Variants in PACSIN2 observed in about 807,000 individuals in gnomAD.
PACSIN2 encodes protein kinase C and casein kinase substrate in neurons 2, also known as protein kinase C and casein kinase substrate in neurons protein 2.
In PACSIN2, 25 loss-of-function variants were observed where a neutral mutation model predicts 63.8. The observed-to-expected ratio is 0.39, with a 90% confidence interval of 0.29 to 0.55. The LOEUF (loss-of-function observed/expected upper bound fraction) is 0.55. PACSIN2 is among the 20% of genes least tolerant of loss of function. The pLI, the probability that PACSIN2 is intolerant of heterozygous loss-of-function variation, is 0.62. For missense variants in PACSIN2, 518 were observed against 646.9 expected (o/e 0.80, Z 2.16); for synonymous variants, 255 against 256.2 (o/e 1.00, Z 0.05).
intron 1 of PACSIN2, among the ~76,000 whole-genome samples, chr22:42,972,281 C>T (rs982757589): frequency 6.6e-6 from 1 of 152,130 alleles, no homozygotes. Flanking sequence ...GCACGATGTG[C>T]TTTGTTAAAC....
chr22:42,987,723 G>A (rs1348509321), intron 1 of PACSIN2, among the ~76,000 whole-genome samples: 1 of 151,558 alleles, frequency 6.6e-6, no homozygotes, highest in Admixed American at 6.6e-5. Flanking sequence ...AGTAGAGACA[G>A]GGTTTAATCA....
chr22:42,955,448 C>A (rs1389391815), intron 1 of PACSIN2, among the ~76,000 whole-genome samples: 1 of 151,836 alleles, frequency 6.6e-6, no homozygotes, highest in Non-Finnish European at 1.5e-5. Flanking sequence ...CCAATAAAAG[C>A]TGTCATACCT....
At chr22:42,921,785 C>A (rs1932213113) in intron 1 of PACSIN2, among the ~76,000 whole-genome samples, 1 of 151,116 alleles carries the variant, frequency 6.6e-6, no homozygotes, top group Non-Finnish European at 1.5e-5. Context: ...ATTGCCCAGG[C>A]TGGAGTGCAG....
At chr22:42,934,719 T>A in intron 1 of PACSIN2, among the ~76,000 whole-genome samples, 1 of 152,142 alleles carries the variant, frequency 6.6e-6, no homozygotes. Context: ...TATGGTGCCA[T>A]TATTTGGCCC....
At chr22:42,906,657 T>C (rs992171074) in intron 2 of PACSIN2, among the ~76,000 whole-genome samples, 2 of 152,148 alleles carry the variant, frequency 1.3e-5, no homozygotes, top group African/African-American at 2.4e-5. Flanking sequence ...CACATGAATA[T>C]AACTCATTCC....
chr22:42,937,927 G>T (rs1932982051), intron 1 of PACSIN2, among the ~76,000 whole-genome samples: 1 of 152,236 alleles, frequency 6.6e-6, no homozygotes, highest in South Asian at 2.1e-4. Flanking sequence ...TCCCACTGGA[G>T]AACTCTGGAA....
At chr22:42,902,816 G>T (rs768150340) in intron 2 of PACSIN2, among the ~76,000 whole-genome samples, 5 of 152,182 alleles carry the variant, frequency 3.3e-5, no homozygotes, top group Non-Finnish European at 5.9e-5. Flanking sequence ...GCTTCGCCAT[G>T]TTGGCCAGGC....
intron 1 of PACSIN2, among the ~76,000 whole-genome samples, chr22:42,994,718 G>T (rs939705366): frequency 6.6e-6 from 1 of 152,138 alleles, no homozygotes; most frequent in Non-Finnish European, 1.5e-5. Flanking sequence ...CACCCTATAG[G>T]GACAGTCACA....
intron 10 of PACSIN2, among the ~76,000 whole-genome samples, chr22:42,875,205 C>T (rs910908360): frequency 4.0e-5 from 6 of 151,206 alleles, no homozygotes; most frequent in African/African-American, 1.5e-4. Flanking sequence ...GGCTAGAGTA[C>T]GTGGTATGAA....
chr22:42,961,101 G>A (rs925885988), intron 1 of PACSIN2, among the ~76,000 whole-genome samples: 22 of 152,206 alleles, frequency 1.4e-4, no homozygotes, highest in African/African-American at 4.6e-4. Flanking sequence ...CCAAGCGGGT[G>A]TATGTAGGGA....
intron 1 of PACSIN2, among the ~76,000 whole-genome samples, chr22:42,955,330 A>G (rs988791064): frequency 6.6e-6 from 1 of 152,206 alleles, no homozygotes; most frequent in Admixed American, 6.5e-5. Context: ...CGAAAAAACA[A>G]ATCAACTGAT....
intron 1 of PACSIN2, among the ~76,000 whole-genome samples, chr22:42,912,400 C>G (rs533254990): frequency 3.0e-4 from 46 of 152,256 alleles, no homozygotes; most frequent in Middle Eastern, 6.8e-3. Flanking sequence ...AGGCAGAGTC[C>G]TTGGATCTCT....
At chr22:43,011,709 T>C (rs1478049229) in intron 1 of PACSIN2, among the ~76,000 whole-genome samples, 1 of 152,094 alleles carries the variant, frequency 6.6e-6, no homozygotes, top group Non-Finnish European at 1.5e-5. Flanking sequence ...AAACCCCATC[T>C]CTATTAAAAA....
chr22:42,881,105 G>A (rs1156327162), intron 7 of PACSIN2, among the ~76,000 whole-genome samples: 1 of 152,202 alleles, frequency 6.6e-6, no homozygotes, highest in African/African-American at 2.4e-5. Flanking sequence ...CAAGTCCTGG[G>A]GCTGGCGCAG....
chr22:42,993,903 A>C (rs1026879835), intron 1 of PACSIN2: 2 of 152,212 alleles, frequency 1.3e-5, no homozygotes, highest in Non-Finnish European at 2.9e-5. Flanking sequence ...AAGCACTCCT[A>C]TGCAGCTGAA....
At chr22:42,894,009 G>A (rs971138882) in intron 2 of PACSIN2, among the ~76,000 whole-genome samples, 3 of 152,094 alleles carry the variant, frequency 2.0e-5, no homozygotes, top group African/African-American at 7.2e-5. Flanking sequence ...CTGCTTTGAT[G>A]TCATCCATCA....
At chr22:42,992,289 G>A (rs929080598) in intron 1 of PACSIN2, among the ~76,000 whole-genome samples, 2 of 152,214 alleles carry the variant, frequency 1.3e-5, no homozygotes, top group Admixed American at 1.3e-4. Flanking sequence ...TGGTGAGGAT[G>A]TGGGGGAACT....
chr22:42,925,684 C>T (rs932531385), intron 1 of PACSIN2, among the ~76,000 whole-genome samples: 1 of 152,156 alleles, frequency 6.6e-6, no homozygotes, highest in Non-Finnish European at 1.5e-5. Context: ...ATAATGAGAG[C>T]ATTTATGTGA....
intron 1 of PACSIN2, chr22:42,945,946 T>C: frequency 6.5e-6 from 1 of 153,050 alleles, no homozygotes; most frequent in Non-Finnish European, 1.5e-5. Context: ...AGGCTGTAAC[T>C]ACTGCTCCTC....
Sources: gnomAD v4.1 joint callset for allele counts (sites outside exome capture counted in the v4.1 genomes callset) on GRCh38, gnomAD v4.1.1 for gene constraint, MANE v1.5 for transcripts, NCBI Gene and HGNC (gene_info 2026-07-23, HGNC 2026-07-21) for gene names.